Variants in COL11A1 observed in about 807,000 individuals in gnomAD.
COL11A1 encodes collagen type XI alpha 1 chain.
In COL11A1, 74 loss-of-function variants were observed where a neutral mutation model predicts 265.2. That is an observed-to-expected ratio of 0.28 (90% CI 0.23 to 0.34). The LOEUF is 0.34. Among genes scored for constraint, COL11A1 ranks in the 10% least tolerant of loss-of-function variants. The pLI is 1.00. For missense variants in COL11A1, 2,165 were observed against 2,263.6 expected (o/e 0.96, Z 0.88); for synonymous variants, 816 against 727.6 (o/e 1.12, Z -1.96).
chr1:103,074,702 T>G lies in COL11A1; in HGVS notation c.567A>C (p.Pro189=). ...IVDCKKKTTK[P]LDRSERAIVD... ...CAATTGCTCTCTCACTTCTATCAAG[T>G]GGTTTCGTGGTTTTCTTCTTACAAT... Residue 189 remains proline (P), a synonymous_variant, in exon 4 of 67, where the codon CCA becomes CCC. Transcript: ENST00000370096. 1 of 1,613,402 alleles carries G rather than the reference T, an allele frequency of 6.2e-7. No individual in the cohort carries two copies.
At chr1:102,962,964 A>G (rs1420632489) in intron 38 of COL11A1, among the ~76,000 whole-genome samples, 1 of 152,220 alleles carries the variant, frequency 6.6e-6, no homozygotes, top group African/African-American at 2.4e-5. Flanking sequence ...CTTGGTTAGA[A>G]TCTGAGTGTA....
rs537166411 is a variant in COL11A1 at position 103,043,924 on chromosome 1, T to C, written c.652-12680A>G. 5.9e-5 allele frequency among the ~76,000 whole-genome samples: 9 copies of C among 152,220 alleles called. 1 individual carries two copies. In the South Asian group the frequency reaches 1.9e-3, roughly 32 times the overall value. ...AAATAAATAGCCTAACAACATTCTA[T>C]AATATTTTCATAAGATAGCCCCTAG... On this transcript the variant is annotated intron_variant, in intron 4 of 66. Coordinates refer to ENST00000370096, the MANE Select transcript of COL11A1 (RefSeq NM_001854.4).
At position 102,921,705 on chromosome 1, in the gene COL11A1, T is replaced by A. The variant is rs1040042533; in HGVS notation, c.3655-134A>T. On this transcript the variant is annotated intron_variant, in intron 47 of 66. Transcript: ENST00000370096. ...TAGTTAGTGAAGCACATCAGGGTTA[T>A]AAGTCATCCTTCATGGATACAACAT... 3.8e-5 allele frequency: 27 copies of A among 716,082 alleles called. No homozygotes were observed. The African/African-American group carries it at 4.3e-4, about 11-fold the overall frequency. The allele number at this position is 716,082 out of a possible 1,614,324, so 44.4% of individuals were successfully genotyped here. A position where few individuals can be genotyped will look rare whatever the true frequency, so the allele number is the denominator to read the frequency against.
At chr1:103,101,862 T>C (rs532951603) in intron 1 of COL11A1, among the ~76,000 whole-genome samples, 103 of 152,110 alleles carry the variant, frequency 6.8e-4, no homozygotes, top group Non-Finnish European at 1.1e-3. Context: ...TACTCTGAAA[T>C]ATGATAACCT....
intron 50 of COL11A1, 119 bp from the exon 51 acceptor site, chr1:102,914,930 G>T (rs111980222): frequency 1.3e-6 from 1 of 797,954 alleles, no homozygotes; most frequent in Non-Finnish European, 2.0e-6. Context: ...TTTTTAGACG[G>T]AATATCACTT....
At position 103,015,630 on chromosome 1, in the gene COL11A1, G is replaced by C. The variant is rs746067734; in HGVS notation, c.1488+38C>G. 9 of 1,435,422 alleles carry C rather than the reference G, an allele frequency of 6.3e-6. No individual in the cohort carries two copies. In the South Asian group the frequency reaches 1.1e-4, roughly 17 times the overall value. 88.9% of individuals were successfully genotyped at this position (1,435,422 alleles called of 1,614,324 possible). On this transcript the variant is annotated intron_variant, in intron 12 of 66. Coordinates refer to ENST00000370096, the MANE Select transcript of COL11A1 (RefSeq NM_001854.4). ...ATAAACTTCAGAAAAAAGATGACAA[G>C]ATATCAAGTCATCTCTATAACATAA...
chr1:102,910,882 T>TA (rs943346401), intron 54 of COL11A1, among the ~76,000 whole-genome samples: 31 of 125,476 alleles, frequency 2.5e-4, no homozygotes, highest in African/African-American at 6.8e-4. Context: ...AGAAAAAAGA[T>TA]AAAAAAAATG....
intron 41 of COL11A1, among the ~76,000 whole-genome samples, chr1:102,958,031 C>A (rs1041971840): frequency 7.2e-5 from 11 of 152,022 alleles, no homozygotes; most frequent in Non-Finnish European, 1.3e-4. Context: ...TACAAATAAC[C>A]ACTGAATACT....
intron 1 of COL11A1, among the ~76,000 whole-genome samples, chr1:103,090,109 G>A (rs569094246): frequency 5.9e-5 from 9 of 152,040 alleles, no homozygotes; most frequent in Middle Eastern, 3.4e-3. Flanking sequence ...GGGACAGAAC[G>A]AGGCTTTGTC....
At chr1:102,920,485 A>C (rs976420695) in intron 48 of COL11A1, 121 bp from the exon 49 acceptor site, 9 of 825,982 alleles carry the variant, frequency 1.1e-5, no homozygotes, top group Non-Finnish European at 1.8e-5. Flanking sequence ...TAGTCATTTA[A>C]AGAATGAGAC....
At chr1:102,990,334 A>AT (rs199916439) in intron 28 of COL11A1, among the ~76,000 whole-genome samples, 22 of 84,182 alleles carry the variant, frequency 2.6e-4, no homozygotes, top group South Asian at 9.7e-4. Context: ...TTTATATTGT[A>AT]TTTTTTTTTA....
chr1:103,059,928 G>A (rs559768855), intron 4 of COL11A1, among the ~76,000 whole-genome samples: 43 of 152,072 alleles, frequency 2.8e-4, no homozygotes, highest in African/African-American at 7.2e-4. Flanking sequence ...CAAGGAGAAA[G>A]AGAGAAAAGA....
intron 4 of COL11A1, among the ~76,000 whole-genome samples, chr1:103,050,673 T>C (rs999087259): frequency 2.6e-5 from 4 of 152,056 alleles, no homozygotes; most frequent in Non-Finnish European, 5.9e-5. Flanking sequence ...GGAGGAGAGG[T>C]CCTCTGATTT....
intron 41 of COL11A1, among the ~76,000 whole-genome samples, chr1:102,956,788 A>C (rs1660411871): frequency 6.6e-6 from 1 of 151,902 alleles, no homozygotes; most frequent in South Asian, 2.1e-4. Flanking sequence ...AATAGTTATC[A>C]AACATTATCT....
chr1:102,974,856 C>T lies in COL11A1; in HGVS notation c.2782G>A (p.Gly928Arg), dbSNP rs1662314346. 6.2e-7 allele frequency: 1 copy of T among 1,613,378 alleles called. No individual in the cohort carries two copies. Among genetic ancestry groups the T allele is most frequent in the African/African-American group, 1.3e-5 (1 of 74,886 alleles). ...GGAGGGCCTTTTGGTCCAGGGAATC[C>T]AACTGGACCCTGAGGTCCTTGAGGA... The part of the protein sequence containing the change: ...RGPQGPQGPV[G>R]FPGPKGPPGP... The change falls in exon 36 of 67, where the codon GGA becomes AGA. Residue 928 changes from glycine (G) to arginine (R), a missense_variant. By Grantham distance (125) the Gly-to-Arg change is moderately radical. Transcript: ENST00000370096.
chr1:103,025,871 T>C (rs1437428711), intron 6 of COL11A1: 1 of 1,613,406 alleles, frequency 6.2e-7, no homozygotes, highest in Non-Finnish European at 8.5e-7. Context: ...TTTTCAGATT[T>C]GGGGGGTGTA....
intron 1 of COL11A1, among the ~76,000 whole-genome samples, chr1:103,104,395 A>G (rs1370574828): frequency 6.6e-6 from 1 of 152,104 alleles, no homozygotes; most frequent in Non-Finnish European, 1.5e-5. Context: ...AACATGAACA[A>G]CCATGTGGTT....
intron 15 of COL11A1, among the ~76,000 whole-genome samples, chr1:103,006,550 T>TTTC (rs1448755246): frequency 1.5e-5 from 2 of 129,634 alleles, no homozygotes; most frequent in East Asian, 4.3e-4. Flanking sequence ...TTTTTTTTTT[T>TTTC]TTTTTGAGAC....
chr1:102,960,471 T>A (rs371928755), intron 41 of COL11A1, among the ~76,000 whole-genome samples: 1,851 of 66,126 alleles, frequency 0.028, 46 homozygotes, highest in African/African-American at 0.061. Flanking sequence ...ATAATAAAGG[T>A]CACTGGGTGT....
Sources: allele counts gnomAD v4.1 joint callset (sites outside exome capture counted in the v4.1 genomes callset), GRCh38; gene constraint gnomAD v4.1.1; transcripts MANE v1.5; gene names NCBI Gene and HGNC (gene_info 2026-07-23, HGNC 2026-07-21).